SIPA1L3: variants seen among roughly 807,000 people sequenced by gnomAD.
SIPA1L3 encodes the protein signal induced proliferation associated 1 like 3.
A neutral mutation model predicts 150.1 loss-of-function variants in SIPA1L3; 59 were observed. The ratio of observed to expected loss-of-function variants is 0.39; its 90% confidence interval spans 0.32 to 0.49. The LOEUF is 0.49. SIPA1L3 is among the 20% of genes least tolerant of loss of function. SIPA1L3 has a pLI of 0.86. For synonymous variants in SIPA1L3, 1,070 were observed against 1,077.6 expected (o/e 0.99, Z 0.14); for missense variants, 2,211 against 2,489.5 (o/e 0.89, Z 2.38).
intron 1 of SIPA1L3, among the ~76,000 whole-genome samples, chr19:37,997,135 T>C (rs1462210263): frequency 6.6e-6 from 1 of 152,190 alleles, no homozygotes; most frequent in Non-Finnish European, 1.5e-5. Context: ...CACAAGTACA[T>C]GTGCAACTTT....
chr19:38,199,028 A>C (rs541778372), intron 19 of SIPA1L3, among the ~76,000 whole-genome samples: 12 of 152,286 alleles, frequency 7.9e-5, no homozygotes, highest in Non-Finnish European at 1.3e-4. Context: ...TCTGGGAGCC[A>C]GGGAGCGGAA....
At chr19:38,198,962 T>C (rs1394564271) in intron 19 of SIPA1L3, among the ~76,000 whole-genome samples, 1 of 152,060 alleles carries the variant, frequency 6.6e-6, no homozygotes, top group East Asian at 1.9e-4. Context: ...CAAGACCCCG[T>C]GTCTGGGGGA....
At chr19:38,116,892 C>T (rs530135481) in intron 8 of SIPA1L3, among the ~76,000 whole-genome samples, 1 of 152,288 alleles carries the variant, frequency 6.6e-6, no homozygotes, top group African/African-American at 2.4e-5. Context: ...AAGAACATAA[C>T]TCACCTGCCC....
intron 1 of SIPA1L3, among the ~76,000 whole-genome samples, chr19:38,016,446 C>T (rs770939789): frequency 6.6e-6 from 1 of 152,152 alleles, no homozygotes; most frequent in Non-Finnish European, 1.5e-5. Context: ...TCATCAACTA[C>T]CCATTTATTC....
chr19:38,000,674 CTTTT>C (rs35100127), intron 1 of SIPA1L3, among the ~76,000 whole-genome samples: 1 of 132,648 alleles, frequency 7.5e-6, no homozygotes, highest in Non-Finnish European at 1.6e-5. Context: ...GGGCAAAAGA[CTTTT>C]TTTTTTTTTT....
intron 1 of SIPA1L3, among the ~76,000 whole-genome samples, chr19:37,978,171 G>C (rs988798832): frequency 6.6e-6 from 1 of 152,186 alleles, no homozygotes; most frequent in South Asian, 2.1e-4. Context: ...CTGTTGAACA[G>C]GATGTGCAGA....
At chr19:38,117,551 G>A (rs1970915083) in intron 8 of SIPA1L3, among the ~76,000 whole-genome samples, 2 of 151,938 alleles carry the variant, frequency 1.3e-5, no homozygotes, top group Admixed American at 6.6e-5. Context: ...CCCGGGAGGC[G>A]GAGGTTGTGG....
At chr19:38,027,283 A>C (rs1310723314) in intron 1 of SIPA1L3, among the ~76,000 whole-genome samples, 1 of 152,036 alleles carries the variant, frequency 6.6e-6, no homozygotes, top group African/African-American at 2.4e-5. Context: ...TCAAGACTCC[A>C]TCTCAAAAAA....
At chr19:38,054,983 A>G (rs1285971709) in intron 2 of SIPA1L3, among the ~76,000 whole-genome samples, 1 of 152,198 alleles carries the variant, frequency 6.6e-6, no homozygotes, top group Non-Finnish European at 1.5e-5. Context: ...AGCACGTTGG[A>G]ACCAAGACTT....
rs145667425 is a variant in SIPA1L3 at position 38,141,217 on chromosome 19, G to A, written c.3177G>A (p.Ser1059=). 50 of 1,610,858 alleles carry A rather than the reference G, an allele frequency of 3.1e-5. No homozygotes were observed. Among genetic ancestry groups the A allele is most frequent in the East Asian group, 1.8e-4 (8 of 44,788 alleles). ...CGGAGACCTACGACATGAATACCTC[G>A]GAGCCCAAGACGGAGCAGGAAAGCA... ...GWPETYDMNT[S]EPKTEQESIT... The change falls in exon 11 of 22, where the codon TCG becomes TCA. Residue 1059 remains serine, a synonymous_variant. Coordinates refer to ENST00000222345, the MANE Select transcript of SIPA1L3 (RefSeq NM_015073.3).
At chr19:37,930,076 G>A (rs1225081020) in intron 1 of SIPA1L3, among the ~76,000 whole-genome samples, 1 of 146,504 alleles carries the variant, frequency 6.8e-6, no homozygotes, top group Non-Finnish European at 1.5e-5. Context: ...CCAGGCTGGA[G>A]TGCAGTGGCG....
intron 11 of SIPA1L3, among the ~76,000 whole-genome samples, chr19:38,141,957 G>A (rs1264973416): frequency 6.6e-6 from 1 of 152,206 alleles, no homozygotes; most frequent in Admixed American, 6.5e-5. Flanking sequence ...ACTCCAGACT[G>A]AGCAATACCT....
In SIPA1L3 at chr19:38,119,374, GCA is replaced by G; in HGVS notation, c.2361_2362del (p.Lys788IlefsTer14). The G allele has an allele frequency of 6.2e-7, 1 of 1,614,098 alleles. No individual in the cohort carries two copies. Among genetic ancestry groups the G allele is most frequent in the Non-Finnish European group, 8.5e-7 (1 of 1,180,040 alleles). On this transcript the variant is annotated frameshift_variant, in exon 9 of 22. Transcript: ENST00000222345. LOFTEE classifies it high-confidence loss of function. ...CCCATCCCCAGTGGAACCACATTCC[GCA>G]AATCCGACGTCTTCAGAGACTTCTT... is the stretch of plus-strand genomic sequence containing the variant.
intron 1 of SIPA1L3, among the ~76,000 whole-genome samples, chr19:37,958,564 G>C (rs1158255549): frequency 2.6e-5 from 4 of 152,138 alleles, no homozygotes; most frequent in Non-Finnish European, 1.5e-5. Flanking sequence ...AAAATTCTTA[G>C]AAGAAAACAT....
intron 18 of SIPA1L3, among the ~76,000 whole-genome samples, chr19:38,195,840 C>T (rs2146054097): frequency 1.4e-5 from 2 of 142,242 alleles, no homozygotes; most frequent in East Asian, 4.8e-4. Context: ...CGTCCCTACT[C>T]ACCGCCTTGT....
At position 38,119,721 on chromosome 19, in the gene SIPA1L3, C is replaced by T. The variant is rs766495878; in HGVS notation, c.2707C>T (p.Arg903Cys). ...SNEFVVLLDL[R>C]TKEVVFNCYC... ...TGAGTTTGTGGTGCTCCTGGACTTACGCACCAAGGAGGTGGTGTTCAACTG... is the reference window on the plus strand; with the variant it reads ...TGAGTTTGTGGTGCTCCTGGACTTATGCACCAAGGAGGTGGTGTTCAACTG... Residue 903 changes from arginine (R) to cysteine (C), a missense_variant, in exon 9 of 22, where the codon CGC (arginine) becomes TGC (cysteine). By Grantham distance (180) the Arg-to-Cys change is radical. Coordinates refer to ENST00000222345, the MANE Select transcript of SIPA1L3 (RefSeq NM_015073.3). 20 of 1,614,134 alleles carry T rather than the reference C, an allele frequency of 1.2e-5. No individual in the cohort carries two copies. Among genetic ancestry groups the T allele is most frequent in the South Asian group, 3.3e-5 (3 of 91,082 alleles).
chr19:38,167,231 C>CAAAAAAAAAAAAAA (rs370193698), intron 15 of SIPA1L3, among the ~76,000 whole-genome samples: 8 of 87,504 alleles, frequency 9.1e-5, no homozygotes, highest in Admixed American at 1.5e-4. Flanking sequence ...GATTCCATCT[C>CAAAAAAAAAAAAAA]AAAAAAAAAA....
At chr19:37,980,638 A>G (rs1485517537) in intron 1 of SIPA1L3, among the ~76,000 whole-genome samples, 1 of 151,784 alleles carries the variant, frequency 6.6e-6, no homozygotes, top group East Asian at 2.0e-4. Flanking sequence ...CCGTCGAGGC[A>G]TGAAGGTTCA....
At chr19:37,950,155 C>G (rs182800665) in intron 1 of SIPA1L3, among the ~76,000 whole-genome samples, 2 of 151,552 alleles carry the variant, frequency 1.3e-5, no homozygotes, top group Non-Finnish European at 2.9e-5. Context: ...GCTGTGTGAC[C>G]TTGGACTCAT....
Sources: gnomAD v4.1 joint callset for allele counts (sites outside exome capture counted in the v4.1 genomes callset) on GRCh38, gnomAD v4.1.1 for gene constraint, MANE v1.5 for transcripts, NCBI Gene and HGNC (gene_info 2026-07-23, HGNC 2026-07-21) for gene names.